The following RBM44 variants were observed in gnomAD, a reference collection of about 807,000 sequenced individuals.
RBM44 encodes RNA-binding protein 44.
A neutral mutation model predicts 105.1 loss-of-function variants in RBM44; 66 were observed. That is an observed-to-expected ratio of 0.63 (90% CI 0.52 to 0.77). The LOEUF (loss-of-function observed/expected upper bound fraction) is 0.77, where lower values mean the gene tolerates loss of function less well. Among genes scored for constraint, RBM44 ranks in the 30% least tolerant of loss-of-function variants. The probability of loss-of-function intolerance (pLI) is 0.00; values close to 1 mark genes in which losing one functional copy is unlikely to be tolerated. For synonymous variants in RBM44, 365 were observed against 417.6 expected (o/e 0.87, Z 1.54); for missense variants, 1,122 against 1,207.8 (o/e 0.93, Z 1.05).
At chr2:237,828,298 T>G (rs1332996608) in intron 12 of RBM44, among the ~76,000 whole-genome samples, 1 of 152,134 alleles carries the variant, frequency 6.6e-6, no homozygotes, top group African/African-American at 2.4e-5. Flanking sequence ...CTGTTTGTAG[T>G]TGGGGTTGCA....
At chr2:237,831,277 T>G (rs943506057) in intron 13 of RBM44, among the ~76,000 whole-genome samples, 1 of 150,342 alleles carries the variant, frequency 6.7e-6, no homozygotes. Context: ...TTTTTGTTTG[T>G]TTTGTTTTGT....
chr2:237,821,187 T>C lies in RBM44; in HGVS notation c.2030T>C (p.Leu677Pro). The C allele has an allele frequency of 6.2e-7, 1 of 1,610,726 alleles. No homozygotes were observed. The highest frequency in any genetic ancestry group is 8.5e-7 in the Non-Finnish European group (1 of 1,178,444). The change falls in exon 6 of 16, where the codon CTG becomes CCG. Residue 677 changes from leucine to proline, a missense_variant. Physicochemically the swap from Leu to Pro is moderately conservative, Grantham distance 98. Coordinates refer to ENST00000316997, the MANE Select transcript of RBM44 (RefSeq NM_001080504.3). ...GAAAAAATACACAAAGGCATACCAC[T>C]GGAAGAGCTGCCCCCACTGTCACTA... ...LKEKIHKGIPLEELPPLSLES... is the reference protein window; with the variant it reads ...LKEKIHKGIPPEELPPLSLES...
chr2:237,799,338 A>C (rs2061521465), intron 1 of RBM44: 1 of 152,296 alleles, frequency 6.6e-6, no homozygotes, highest in Non-Finnish European at 1.5e-5. Flanking sequence ...CCAGCTCCTG[A>C]CCTAGTGTGA....
intron 1 of RBM44, among the ~76,000 whole-genome samples, chr2:237,801,820 T>G (rs2061549119): frequency 6.6e-6 from 1 of 152,230 alleles, no homozygotes; most frequent in Non-Finnish European, 1.5e-5. Context: ...TCCTTACCTT[T>G]ATTAATGCAA....
intron 8 of RBM44, 33 bp downstream of exon 8, chr2:237,821,860 C>CT (rs756006869): frequency 8.0e-6 from 11 of 1,378,628 alleles, no homozygotes; most frequent in Non-Finnish European, 1.1e-5. Context: ...CAATGCAAAT[C>CT]TTTAAGTGTA....
chr2:237,804,553 AT>A (rs1430796687), intron 1 of RBM44, among the ~76,000 whole-genome samples: 2 of 152,082 alleles, frequency 1.3e-5, no homozygotes, highest in Non-Finnish European at 2.9e-5. Flanking sequence ...GATGCTGAAC[AT>A]TTTTTTATAT....
At chr2:237,805,466 T>C (rs1379842806) in intron 1 of RBM44, among the ~76,000 whole-genome samples, 4 of 152,200 alleles carry the variant, frequency 2.6e-5, no homozygotes. Context: ...ATATTATTTT[T>C]CACACAATTA....
chr2:237,830,569 T>C (rs1300979042), intron 13 of RBM44, among the ~76,000 whole-genome samples: 2 of 151,932 alleles, frequency 1.3e-5, no homozygotes, highest in Non-Finnish European at 2.9e-5. Flanking sequence ...TTTTTATATA[T>C]TGTTTCAGGT....
chr2:237,820,328 G>A lies in RBM44; in HGVS notation c.1890G>A (p.Met630Ile). The change falls in exon 5 of 16, where the codon ATG becomes ATA. Residue 630 changes from methionine (M) to isoleucine (I), a missense_variant. By Grantham distance (10) the Met-to-Ile change is conservative. Coordinates refer to ENST00000316997, the MANE Select transcript of RBM44 (RefSeq NM_001080504.3). ...GTTGTGATATTTACAAACTTGTCAT[G>A]GAAAATAGGGAAGGATTAAATATGT... ...RHCCDIYKLV[M>I]ENREGLNMNL... 3 of 1,587,784 alleles carry A rather than the reference G, an allele frequency of 1.9e-6. No individual in the cohort carries two copies. The highest frequency in any genetic ancestry group is 2.6e-6 in the Non-Finnish European group (3 of 1,165,764).
rs565544509 is a variant in RBM44 at position 237,831,950 on chromosome 2, C to T, written c.2887-2047C>T. ...GTTTGGGAACTGTGGCTCTCCCTTTCTTCTCTCGTGTAGCACATGTGGTCT... is the reference window on the plus strand; with the variant it reads ...GTTTGGGAACTGTGGCTCTCCCTTTTTTCTCTCGTGTAGCACATGTGGTCT... On this transcript the variant is annotated intron_variant, in intron 13 of 15. Coordinates refer to ENST00000316997, the MANE Select transcript of RBM44 (RefSeq NM_001080504.3). Among the ~76,000 whole-genome samples, 140 of 152,176 alleles carry T rather than the reference C, an allele frequency of 9.2e-4. 1 individual carries two copies. Among genetic ancestry groups the T allele is most frequent in the African/African-American group, 3.1e-3 (128 of 41,522 alleles).
Position 237,834,043 on chromosome 2 carries a change from C to G in RBM44, c.2933C>G (p.Pro978Arg), listed in dbSNP as rs1259548178. 2 of 1,567,986 alleles carry G rather than the reference C, an allele frequency of 1.3e-6. No homozygotes were observed. The highest frequency in any genetic ancestry group is 1.7e-6 in the Non-Finnish European group (2 of 1,153,896). Residue 978 changes from proline (P) to arginine (R), a missense_variant, in exon 14 of 16, where the codon CCT becomes CGT. Coordinates refer to ENST00000316997, the MANE Select transcript of RBM44 (RefSeq NM_001080504.3). ...CKQIESAKLL[P>R]DTPVQFIPPN... Reference sequence around the variant, plus strand: ...CAGATTGAATCTGCTAAATTATTACCTGATACACCCGTTCAATTCATACCT... The same window carrying G: ...CAGATTGAATCTGCTAAATTATTACGTGATACACCCGTTCAATTCATACCT...
Position 237,810,838 on chromosome 2 carries a change from G to A in RBM44, c.-18-2754G>A, listed in dbSNP as rs78901480. 7.9e-5 allele frequency among the ~76,000 whole-genome samples: 12 copies of A among 152,274 alleles called. No homozygotes were observed. In the East Asian group the frequency reaches 2.3e-3, roughly 29 times the overall value. On this transcript the variant is annotated intron_variant, in intron 1 of 15. Transcript: ENST00000316997. ...GGATGCTTAGGAGGATCTGAGGGTG[G>A]CATTTTTGGCCCTCCAGCATCAAAA...
intron 1 of RBM44, among the ~76,000 whole-genome samples, chr2:237,799,641 G>A (rs2150963308): frequency 6.6e-6 from 1 of 152,298 alleles, no homozygotes; most frequent in South Asian, 2.1e-4. Context: ...AAAGGAGGGT[G>A]TATCTGGAAG....
intron 15 of RBM44, among the ~76,000 whole-genome samples, chr2:237,837,034 G>GT (rs1425359006): frequency 6.6e-6 from 1 of 150,996 alleles, no homozygotes; most frequent in Non-Finnish European, 1.5e-5. Flanking sequence ...GGATAATTTT[G>GT]TTTGTTTGTT....
intron 1 of RBM44, among the ~76,000 whole-genome samples, chr2:237,813,042 C>T (rs1454251542): frequency 6.6e-6 from 1 of 152,094 alleles, no homozygotes. Context: ...GTAACCTTAT[C>T]AAGTGTCACA....
intron 1 of RBM44, among the ~76,000 whole-genome samples, chr2:237,800,965 C>T (rs539595347): frequency 1.3e-5 from 2 of 152,318 alleles, no homozygotes; most frequent in Admixed American, 6.5e-5. Context: ...GTAATCCACC[C>T]ACCTCGGCCT....
rs763701929 is a variant in RBM44 at position 237,829,327 on chromosome 2, T to C, written c.2711T>C (p.Leu904Pro). Reference sequence around the variant, plus strand: ...GTAAATGTGTGGCCTGTTAAAATTCTTGGAGAATATACATCACCACTTTCC... The same window carrying C: ...GTAAATGTGTGGCCTGTTAAAATTCCTGGAGAATATACATCACCACTTTCC... The part of the protein sequence containing the change: ...KSVNVWPVKI[L>P]GEYTSPLSSK... The change falls in exon 13 of 16, where the codon CTT becomes CCT. Residue 904 changes from leucine (L) to proline (P), a missense_variant. Coordinates refer to ENST00000316997, the MANE Select transcript of RBM44 (RefSeq NM_001080504.3). 6.2e-7 allele frequency: 1 copy of C among 1,613,642 alleles called. No individual in the cohort carries two copies. Among genetic ancestry groups the C allele is most frequent in the Non-Finnish European group, 8.5e-7 (1 of 1,179,638 alleles).
At position 237,834,272 on chromosome 2, in the gene RBM44, T is replaced by C. The variant is rs752484055; in HGVS notation, c.3033-6T>C. 1 of 1,565,148 alleles carries C rather than the reference T, an allele frequency of 6.4e-7. No individual in the cohort carries two copies. The highest frequency in any genetic ancestry group is 1.2e-5 in the South Asian group (1 of 81,874). ...AAATACTCATGTATGTTTTCCTTTT[T>C]CATAGAGACCATATTATAAATGCAC... On this transcript the variant is annotated splice_region_variant and splice_polypyrimidine_tract_variant and intron_variant, in intron 14 of 15. Transcript: ENST00000316997.
At chr2:237,834,882 AAGCAAGAGAGAGAGAG>A (rs2061942290) in intron 15 of RBM44, 1 of 152,756 alleles carries the variant, frequency 6.5e-6, no homozygotes, top group Non-Finnish European at 1.5e-5. Flanking sequence ...GGCTTCCCCT[AAGCAAGAGAGAGAGAG>A]AGCAAGATGG....
Sources: allele counts gnomAD v4.1 joint callset (sites outside exome capture counted in the v4.1 genomes callset), GRCh38; gene constraint gnomAD v4.1.1; transcripts MANE v1.5; gene names NCBI Gene and HGNC (gene_info 2026-07-23, HGNC 2026-07-21).